PROSER3: variants seen among roughly 807,000 people sequenced by gnomAD.
PROSER3 encodes proline and serine-rich protein 3.
Under a neutral mutation model 50.2 loss-of-function variants are expected in PROSER3, and 33 were observed. That is an observed-to-expected ratio of 0.66 (90% CI 0.50 to 0.88). The LOEUF is 0.88. PROSER3 is among the 40% of genes least tolerant of loss of function. The pLI is 0.00. For missense variants in PROSER3, 623 were observed against 612.7 expected (o/e 1.02, Z -0.18); for synonymous variants, 266 against 259.3 (o/e 1.03, Z -0.25).
At chr19:35,766,176 G>T (rs1327348118) in intron 7 of PROSER3, among the ~76,000 whole-genome samples, 1 of 152,114 alleles carries the variant, frequency 6.6e-6, no homozygotes, top group Non-Finnish European at 1.5e-5. Context: ...GCGGGTGGGG[G>T]AGTGGGTAGA....
At chr19:35,764,767 A>G in intron 5 of PROSER3, 87 bp from the exon 6 acceptor site, 3 of 1,241,684 alleles carry the variant, frequency 2.4e-6, no homozygotes, top group Admixed American at 4.1e-5. Flanking sequence ...CAAGGGCAGT[A>G]CAACCTGCAT....
At chr19:35,770,902 A>G (rs1228951214), downstream of PROSER3, 1 of 151,120 alleles carries the variant, frequency 6.6e-6, no homozygotes. Flanking sequence ...AAAAAAAACT[A>G]GTTGCCATGC....
At position 35,766,950 on chromosome 19, in the gene PROSER3, A is replaced by C. The variant is rs771115872; in HGVS notation, c.952A>C (p.Thr318Pro). 9 of 1,550,268 alleles carry C rather than the reference A, an allele frequency of 5.8e-6. No homozygotes were observed. The South Asian group carries it at 5.9e-5, about 10-fold the overall frequency. ...GCCGCCTCTGACCCCTGCCCTCCGC[A>C]CGTTGGTGAGCCGAGGGAGGGAGGA... Residue 318 changes from threonine (T) to proline (P), a missense_variant, in exon 8 of 11, where the codon ACG (threonine) becomes CCG (proline). Around this residue, in one of 3 missense-constraint regions of PROSER3, gnomAD observed 380 missense variants for 346.8 expected, o/e 1.10. Transcript: ENST00000396908.
intron 7 of PROSER3, among the ~76,000 whole-genome samples, chr19:35,766,417 A>G (rs916829907): frequency 6.6e-6 from 1 of 152,084 alleles, no homozygotes; most frequent in African/African-American, 2.4e-5. Flanking sequence ...GTGGTGGCAC[A>G]CGCCTTTTGT....
chr19:35,765,932 G>C (rs762322056), intron 7 of PROSER3, among the ~76,000 whole-genome samples: 1 of 152,208 alleles, frequency 6.6e-6, no homozygotes, highest in South Asian at 2.1e-4. Flanking sequence ...TGAAGGAAGA[G>C]CATTCCAGGC....
At chr19:35,761,606 A>C (rs530355712) in intron 3 of PROSER3, among the ~76,000 whole-genome samples, 64 of 152,182 alleles carry the variant, frequency 4.2e-4, no homozygotes, top group Non-Finnish European at 8.2e-4. Flanking sequence ...GGTTGCAGTG[A>C]GCCAAGATCA....
At position 35,764,837 on chromosome 19, in the gene PROSER3, A is replaced by G. The variant is rs1971082268; in HGVS notation, c.544-17A>G. Reference sequence around the variant, plus strand: ...GCCTTTGGGTTGGGGCTGGCGTCTGACCCTGTCACCCTGCAGAACCTCCAC... The same window carrying G: ...GCCTTTGGGTTGGGGCTGGCGTCTGGCCCTGTCACCCTGCAGAACCTCCAC... On this transcript the variant is annotated splice_polypyrimidine_tract_variant and intron_variant, in intron 5 of 10. Transcript: ENST00000396908. 1 of 1,609,238 alleles carries G rather than the reference A, an allele frequency of 6.2e-7. No homozygotes were observed. The highest frequency in any genetic ancestry group is 1.3e-5 in the African/African-American group (1 of 74,614).
exon 3 of PROSER3, chr19:35,759,967 A>G (rs750698782): frequency 3.5e-5 from 56 of 1,600,656 alleles, no homozygotes; most frequent in Non-Finnish European, 4.4e-5. Flanking sequence ...ACCCTGATTG[A>G]CAGCGGGGAC....
chr19:35,759,206 A>T, intron 1 of PROSER3, 168 bp from the exon 2 acceptor site: 1 of 618,066 alleles, frequency 1.6e-6, no homozygotes, highest in South Asian at 2.0e-5. Context: ...CCCAGGACTC[A>T]CCCTTCCACT....
exon 11 of PROSER3, chr19:35,768,690 G>C: frequency 9.3e-6 from 9 of 969,564 alleles, no homozygotes; most frequent in Non-Finnish European, 1.3e-5. Flanking sequence ...CTGCCCCATG[G>C]CTCTGCCCTG....
chr19:35,758,213 G>C (rs1339650566), exon 1 of PROSER3: 1 of 1,561,884 alleles, frequency 6.4e-7, no homozygotes, highest in Non-Finnish European at 8.7e-7. Flanking sequence ...AGGGAGCCGC[G>C]GGATGGACCG....
At position 35,759,891 on chromosome 19, in the gene PROSER3, TC is replaced by T; in HGVS notation, c.213del (p.Ser72ValfsTer23). 1 of 1,596,148 alleles carries T rather than the reference TC, an allele frequency of 6.3e-7. No homozygotes were observed. On this transcript the variant is annotated frameshift_variant, in exon 3 of 11. Coordinates refer to ENST00000396908, the Ensembl canonical transcript of PROSER3. LOFTEE classifies it high-confidence loss of function. ...TGAGCTGTTTGAGGAGTCCTGGCCATCCAGTTCAGGGACCCCCTCCCTGCCC... is the reference window on the plus strand; with the variant it reads ...TGAGCTGTTTGAGGAGTCCTGGCCATCAGTTCAGGGACCCCCTCCCTGCCC...
At chr19:35,759,182 TCCAGGGGCGGGCTC>T in intron 1 of PROSER3, 178 bp from the exon 2 acceptor site, 1 of 581,406 alleles carries the variant, frequency 1.7e-6, no homozygotes, top group Non-Finnish European at 3.1e-6. Flanking sequence ...TTAAGACTGC[TCCAGGGGCGGGCTC>T]CCAGGACTCA....
At chr19:35,761,038 G>A (rs1332380293) in intron 3 of PROSER3, among the ~76,000 whole-genome samples, 1 of 152,228 alleles carries the variant, frequency 6.6e-6, no homozygotes, top group African/African-American at 2.4e-5. Flanking sequence ...AGGTGTCAGG[G>A]ACACAGGTTA....
intron 1 of PROSER3, chr19:35,758,526 C>G (rs1018673212): frequency 1.6e-5 from 6 of 368,778 alleles, no homozygotes; most frequent in Admixed American, 1.4e-4. Context: ...CCCCCAGACA[C>G]GCCTGGGCGT....
chr19:35,766,559 A>G (rs1439307812), intron 7 of PROSER3, among the ~76,000 whole-genome samples: 1 of 152,072 alleles, frequency 6.6e-6, no homozygotes, highest in East Asian at 1.9e-4. Flanking sequence ...AAAGACTTGA[A>G]TGATGACAGA....
chr19:35,762,292 T>C (rs779051779), exon 5 of PROSER3: 3 of 1,611,980 alleles, frequency 1.9e-6, no homozygotes, highest in East Asian at 4.5e-5. Flanking sequence ...CATACAGCTG[T>C]CCCTACTGCG....
exon 3 of PROSER3, chr19:35,759,951 G>A: frequency 6.2e-7 from 1 of 1,605,956 alleles, no homozygotes; most frequent in Non-Finnish European, 8.5e-7. Flanking sequence ...GGCCTCCCCA[G>A]CACCCACCCT....
chr19:35,767,037 TC>T (rs1971170587), intron 8 of PROSER3, 34 bp from the exon 9 acceptor site: 20 of 1,405,696 alleles, frequency 1.4e-5, no homozygotes, highest in Non-Finnish European at 1.9e-5. Context: ...CCACCCTCTC[TC>T]TCTCTGTCTC....
Sources: gnomAD v4.1 joint callset for allele counts (sites outside exome capture counted in the v4.1 genomes callset) on GRCh38, gnomAD v4.1.1 for gene constraint, gnomAD v4.1.1 regional missense constraint, MANE v1.5 for transcripts, NCBI Gene and HGNC (gene_info 2026-07-23, HGNC 2026-07-21) for gene names.